Variants in NXPH2 observed in about 807,000 individuals in gnomAD.
NXPH2 encodes neurexophilin 2.
In NXPH2, 5 loss-of-function variants were observed where a neutral mutation model predicts 19.8. The observed-to-expected ratio is 0.25, with a 90% CI of 0.13 to 0.53. The LOEUF (loss-of-function observed/expected upper bound fraction) is 0.53, where lower values mean the gene tolerates loss of function less well. NXPH2 is among the 20% of genes least tolerant of loss of function. NXPH2 has a pLI of 0.96. For synonymous variants in NXPH2, 154 were observed against 127.4 expected (o/e 1.21, Z -1.41); for missense variants, 289 against 322.8 (o/e 0.90, Z 0.80).
rs561011384 is a variant in NXPH2, at chr2:138,671,873, G to T, written c.52-208C>A. 2.6e-5 allele frequency among the ~76,000 whole-genome samples: 4 copies of T among 152,296 alleles called. No homozygotes were observed. In the East Asian group the frequency reaches 5.8e-4, roughly 22 times the overall value. ...ACTGCGAGTATGAAAATTAAAAATG[G>T]TGAGGTTAAGAACAAAGTATTTCAT... On this transcript the variant is annotated intron_variant, in intron 1 of 1. Coordinates refer to ENST00000272641, the MANE Select transcript of NXPH2 (RefSeq NM_007226.3).
At chr2:138,684,034 T>G (rs1558912881) in intron 1 of NXPH2, among the ~76,000 whole-genome samples, 1 of 152,234 alleles carries the variant, frequency 6.6e-6, no homozygotes, top group African/African-American at 2.4e-5. Flanking sequence ...ACTTGTGCAT[T>G]TGAAACTGAT....
intron 1 of NXPH2, among the ~76,000 whole-genome samples, chr2:138,719,461 A>G (rs1412796354): frequency 6.6e-6 from 1 of 152,204 alleles, no homozygotes; most frequent in Admixed American, 6.5e-5. Flanking sequence ...TATAATACAT[A>G]ATATGTAAAT....
At chr2:138,757,783 ATGTG>A (rs1200042944) in intron 1 of NXPH2, among the ~76,000 whole-genome samples, 2 of 150,134 alleles carry the variant, frequency 1.3e-5, no homozygotes, top group African/African-American at 4.9e-5. Context: ...GTGTGTATGT[ATGTG>A]TATGTATGTA....
chr2:138,701,366 A>G lies in NXPH2; in HGVS notation c.52-29701T>C, dbSNP rs113151493. Among the ~76,000 whole-genome samples the G allele has an allele frequency of 3.5e-3, 536 of 152,282 alleles. 3 individuals carry two copies. The highest frequency in any genetic ancestry group is 8.7e-3 in the African/African-American group (362 of 41,558). Reference sequence around the variant, plus strand: ...AGAAGAAAATCAAAAAGCAAACAGAAAAACAGAGCGGGTTTTAGAAAAGAA... The same window carrying G: ...AGAAGAAAATCAAAAAGCAAACAGAGAAACAGAGCGGGTTTTAGAAAAGAA... On this transcript the variant is annotated intron_variant, in intron 1 of 1. Coordinates refer to ENST00000272641, the MANE Select transcript of NXPH2 (RefSeq NM_007226.3).
At chr2:138,721,256 G>A (rs1352814628) in intron 1 of NXPH2, among the ~76,000 whole-genome samples, 1 of 151,912 alleles carries the variant, frequency 6.6e-6, no homozygotes, top group South Asian at 2.1e-4. Context: ...CAGGAGAATC[G>A]CTTGAACCCG....
chr2:138,719,648 G>A (rs1283015530), intron 1 of NXPH2, among the ~76,000 whole-genome samples: 2 of 152,134 alleles, frequency 1.3e-5, no homozygotes, highest in African/African-American at 2.4e-5. Flanking sequence ...TGGGAAGATC[G>A]CTTGAGCCCA....
chr2:138,705,343 C>A (rs141932848), intron 1 of NXPH2, among the ~76,000 whole-genome samples: 2 of 151,984 alleles, frequency 1.3e-5, no homozygotes, highest in South Asian at 2.1e-4. Context: ...ATTAAATATA[C>A]GTATATTTTA....
At chr2:138,677,322 C>G (rs7566008) in intron 1 of NXPH2, among the ~76,000 whole-genome samples, 7 of 152,034 alleles carry the variant, frequency 4.6e-5, no homozygotes, top group Non-Finnish European at 8.8e-5. Context: ...AATTGCTGTG[C>G]TTTATCTGTT....
At chr2:138,675,343 T>C (rs889668862) in intron 1 of NXPH2, among the ~76,000 whole-genome samples, 3 of 152,172 alleles carry the variant, frequency 2.0e-5, no homozygotes, top group Non-Finnish European at 4.4e-5. Flanking sequence ...ACATTACTGA[T>C]AAACTCATAA....
chr2:138,682,843 C>T (rs1445521628), intron 1 of NXPH2, among the ~76,000 whole-genome samples: 1 of 152,178 alleles, frequency 6.6e-6, no homozygotes, highest in African/African-American at 2.4e-5. Context: ...TGACACCAAC[C>T]TCTGCAAAAA....
chr2:138,765,012 T>C (rs1390624125), intron 1 of NXPH2, among the ~76,000 whole-genome samples: 3 of 152,204 alleles, frequency 2.0e-5, no homozygotes, highest in Non-Finnish European at 4.4e-5. Context: ...AATACATTGA[T>C]AAAGAAGGGC....
intron 1 of NXPH2, among the ~76,000 whole-genome samples, chr2:138,733,992 C>A (rs1284095851): frequency 6.6e-6 from 1 of 152,164 alleles, no homozygotes; most frequent in African/African-American, 2.4e-5. Context: ...CACCTGTAAT[C>A]CCAGCACTTT....
intron 1 of NXPH2, among the ~76,000 whole-genome samples, chr2:138,758,954 C>T (rs1681958261): frequency 6.6e-6 from 1 of 152,138 alleles, no homozygotes; most frequent in Non-Finnish European, 1.5e-5. Context: ...ATCTCAGGTC[C>T]TGAGGCAATT....
intron 1 of NXPH2, among the ~76,000 whole-genome samples, chr2:138,683,421 T>G (rs1421613624): frequency 6.6e-6 from 1 of 152,224 alleles, no homozygotes; most frequent in African/African-American, 2.4e-5. Context: ...TGAGGAATAG[T>G]AATGCCAGAT....
rs577817852 is a variant in NXPH2 at position 138,695,327 on chromosome 2, A to G, written c.52-23662T>C. On this transcript the variant is annotated intron_variant, in intron 1 of 1. Coordinates refer to ENST00000272641, the MANE Select transcript of NXPH2 (RefSeq NM_007226.3). ...GATACTGTTCATGGTAGCAACATAA[A>G]TTTTAACATATGTAGGAATAGCCTT... 7.2e-5 allele frequency among the ~76,000 whole-genome samples: 11 copies of G among 152,330 alleles called. No homozygotes were observed. In the South Asian group the frequency reaches 2.3e-3, roughly 32 times the overall value.
chr2:138,703,054 T>C (rs1469398961), intron 1 of NXPH2, among the ~76,000 whole-genome samples: 1 of 152,226 alleles, frequency 6.6e-6, no homozygotes, highest in African/African-American at 2.4e-5. Flanking sequence ...GAATGGGCCA[T>C]GTTCTCTCGC....
At chr2:138,768,181 C>T (rs1366781088) in intron 1 of NXPH2, among the ~76,000 whole-genome samples, 1 of 152,124 alleles carries the variant, frequency 6.6e-6, no homozygotes, top group Non-Finnish European at 1.5e-5. Context: ...TATTGCTTGC[C>T]TCCAAGGTAA....
At chr2:138,762,594 A>G (rs1682033839) in intron 1 of NXPH2, among the ~76,000 whole-genome samples, 1 of 152,226 alleles carries the variant, frequency 6.6e-6, no homozygotes, top group Admixed American at 6.5e-5. Flanking sequence ...AAAAGATGAG[A>G]AGGGTTTATT....
chr2:138,688,674 T>A (rs1267366881), intron 1 of NXPH2, among the ~76,000 whole-genome samples: 1 of 152,210 alleles, frequency 6.6e-6, no homozygotes, highest in Non-Finnish European at 1.5e-5. Context: ...GAAAGCTTCA[T>A]GAATGACAGC....
Sources: gnomAD v4.1 joint callset for allele counts (sites outside exome capture counted in the v4.1 genomes callset) on GRCh38, gnomAD v4.1.1 for gene constraint, MANE v1.5 for transcripts, NCBI Gene and HGNC (gene_info 2026-07-23, HGNC 2026-07-21) for gene names.